The following ACOT7 variants were observed in gnomAD, a reference collection of about 807,000 sequenced individuals.
ACOT7 encodes cytosolic acyl coenzyme A thioester hydrolase.
ACOT7 carries 12 observed loss-of-function variants against 40.2 expected under a neutral mutation model. That is an observed-to-expected ratio of 0.30 (90% CI 0.19 to 0.48). ACOT7 has a LOEUF of 0.48. Among genes scored for constraint, ACOT7 ranks in the 20% least tolerant of loss-of-function variants. The pLI, the probability that ACOT7 is intolerant of heterozygous loss-of-function variation, is 0.99. For synonymous variants in ACOT7, 228 were observed against 219.5 expected (o/e 1.04, Z -0.34); for missense variants, 395 against 530.8 (o/e 0.74, Z 2.51).
At chr1:6,377,412 G>T (rs899001134) in intron 1 of ACOT7, among the ~76,000 whole-genome samples, 2 of 152,188 alleles carry the variant, frequency 1.3e-5, no homozygotes, top group South Asian at 4.2e-4. Flanking sequence ...AACTTAGTAG[G>T]TACATGGAAG....
intron 4 of ACOT7, among the ~76,000 whole-genome samples, chr1:6,329,020 T>C (rs1640883523): frequency 6.6e-6 from 1 of 152,146 alleles, no homozygotes; most frequent in Non-Finnish European, 1.5e-5. Context: ...AACCAACCAT[T>C]CCAGCTGAGC....
intron 1 of ACOT7, among the ~76,000 whole-genome samples, chr1:6,372,088 C>T (rs1269216956): frequency 6.6e-6 from 1 of 152,024 alleles, no homozygotes; most frequent in East Asian, 1.9e-4. Flanking sequence ...CCACCCTCAC[C>T]GGTGATCTCA....
rs935379568 is a variant in ACOT7 at position 6,288,196 on chromosome 1, C to G, written c.829+6668G>C. Among the ~76,000 whole-genome samples the G allele has an allele frequency of 1.3e-5, 2 of 152,252 alleles. No individual in the cohort carries two copies. The highest frequency in any genetic ancestry group is 4.8e-5 in the African/African-American group (2 of 41,466). Reference sequence around the variant, plus strand: ...CGGGCTCCACGTGCCTTCCCCTGTGCTGGTCCCCTGGGTGCGGGCTCCAGC... The same window carrying G: ...CGGGCTCCACGTGCCTTCCCCTGTGGTGGTCCCCTGGGTGCGGGCTCCAGC... On this transcript the variant is annotated intron_variant, in intron 7 of 8. Transcript: ENST00000361521. The surrounding 1 kb of genome is among the most constrained non-coding windows in gnomAD (Gnocchi z 4.3).
intron 2 of ACOT7, among the ~76,000 whole-genome samples, chr1:6,341,470 T>C (rs12737927): frequency 6.8e-6 from 1 of 146,524 alleles, no homozygotes; most frequent in African/African-American, 2.5e-5. Context: ...TGGCCAGGTG[T>C]GGTGGCTCAC....
intron 2 of ACOT7, among the ~76,000 whole-genome samples, chr1:6,345,765 C>G (rs898108367): frequency 1.3e-5 from 2 of 152,180 alleles, no homozygotes; most frequent in African/African-American, 4.8e-5. Flanking sequence ...CCTCAGTTTC[C>G]CCACTTGTAA....
chr1:6,352,062 G>C lies in ACOT7; in HGVS notation c.144-2196C>G, dbSNP rs929824890. Among the ~76,000 whole-genome samples the C allele has an allele frequency of 1.3e-5, 2 of 152,092 alleles. No homozygotes were observed. The highest frequency in any genetic ancestry group is 2.1e-4 in the South Asian group (1 of 4,830). Reference sequence around the variant, plus strand: ...CCTGGCCGCCTTTCTTCGGCACCTTGGGTCCTGCACCAAGGACCATCCTAA... The same window carrying C: ...CCTGGCCGCCTTTCTTCGGCACCTTCGGTCCTGCACCAAGGACCATCCTAA... On this transcript the variant is annotated intron_variant, in intron 1 of 8. Coordinates refer to ENST00000361521, the MANE Select transcript of ACOT7 (RefSeq NM_007274.4). This position sits in a 1 kb window ranked among gnomAD's most constrained non-coding sequence, Gnocchi z 4.5.
chr1:6,371,104 C>G (rs780796714), intron 1 of ACOT7, among the ~76,000 whole-genome samples: 1 of 152,130 alleles, frequency 6.6e-6, no homozygotes, highest in African/African-American at 2.4e-5. Flanking sequence ...CCACCGCACC[C>G]GGCCTGATCA....
intron 1 of ACOT7, among the ~76,000 whole-genome samples, chr1:6,388,793 C>G (rs1330206309): frequency 1.4e-5 from 2 of 146,700 alleles, no homozygotes; most frequent in Non-Finnish European, 3.0e-5. Context: ...AATCCCAGCA[C>G]TTTGGGAGGC....
At chr1:6,353,939 C>A (rs893843431) in intron 1 of ACOT7, among the ~76,000 whole-genome samples, 3 of 152,196 alleles carry the variant, frequency 2.0e-5, no homozygotes, top group Non-Finnish European at 2.9e-5. Flanking sequence ...AAACATCCCC[C>A]GCTCTATCTT....
chr1:6,265,484 C>A (rs1638810118), intron 8 of ACOT7, among the ~76,000 whole-genome samples: 1 of 152,226 alleles, frequency 6.6e-6, no homozygotes, highest in South Asian at 2.1e-4. Flanking sequence ...ACCCCAGGGA[C>A]CCCATCTCAT....
At position 6,339,605 on chromosome 1, in the gene ACOT7, C is replaced by CAGTT. The variant is rs1027693017; in HGVS notation, c.262-20_262-17dup. 2.5e-6 allele frequency: 4 copies of CAGTT among 1,608,652 alleles called. No individual in the cohort carries two copies. Among genetic ancestry groups the CAGTT allele is most frequent in the Admixed American group, 3.3e-5 (2 of 59,926 alleles). On this transcript the variant is annotated splice_polypyrimidine_tract_variant and intron_variant, in intron 2 of 8. Transcript: ENST00000361521. ...CACAGCGCTCCTGTGGAGACAGAGG[C>CAGTT]AGTTGTCAGCCCAGGTCAGCCAGCC...
At chr1:6,370,891 A>G (rs969761854) in intron 1 of ACOT7, among the ~76,000 whole-genome samples, 2 of 150,196 alleles carry the variant, frequency 1.3e-5, no homozygotes, top group African/African-American at 4.9e-5. Flanking sequence ...GCTCACTGCA[A>G]CCTCTGCCAC....
chr1:6,278,147 C>G lies in ACOT7; in HGVS notation c.1014+2955G>C, dbSNP rs1166007361. ...CGCTTCTCTAGAGCGGTTGTGGGTG[C>G]CCTTCTAAGGAAAAAACGTCTGAGA... On this transcript the variant is annotated intron_variant, in intron 8 of 8. Coordinates refer to ENST00000361521, the MANE Select transcript of ACOT7 (RefSeq NM_007274.4). This position sits in a 1 kb window ranked among gnomAD's most constrained non-coding sequence, Gnocchi z 4.1. 6.6e-6 allele frequency among the ~76,000 whole-genome samples: 1 copy of G among 152,028 alleles called. No individual in the cohort carries two copies. The highest frequency in any genetic ancestry group is 2.4e-5 in the African/African-American group (1 of 41,348).
At position 6,388,280 on chromosome 1, in the gene ACOT7, T is replaced by C. The variant is rs187811302; in HGVS notation, c.143+4977A>G. ...GCACACCGCCACGCCCGCCTAATTT[T>C]TTGTATTTTTAGTAGAGATGGGGTT... On this transcript the variant is annotated intron_variant, in intron 1 of 8. Coordinates refer to ENST00000361521, the MANE Select transcript of ACOT7 (RefSeq NM_007274.4). Among the ~76,000 whole-genome samples the C allele has an allele frequency of 1.2e-3, 186 of 152,026 alleles. 1 individual carries two copies. The highest frequency in any genetic ancestry group is 3.8e-3 in the African/African-American group (159 of 41,514).
chr1:6,366,749 G>A (rs1270240123), intron 1 of ACOT7, among the ~76,000 whole-genome samples: 1 of 151,364 alleles, frequency 6.6e-6, no homozygotes, highest in Non-Finnish European at 1.5e-5. Context: ...TCCGTCTCCC[G>A]AGTTCAAGTG....
intron 6 of ACOT7, among the ~76,000 whole-genome samples, chr1:6,305,794 G>A (rs1557642092): frequency 2.0e-5 from 3 of 152,298 alleles, no homozygotes; most frequent in South Asian, 4.1e-4. Context: ...GGTGGTGGCC[G>A]GGCAGAGGCT....
chr1:6,384,579 G>T (rs932070361), intron 1 of ACOT7, among the ~76,000 whole-genome samples: 3 of 151,752 alleles, frequency 2.0e-5, no homozygotes, highest in African/African-American at 7.3e-5. Context: ...CCAACTCTCC[G>T]ACACTAGGTG....
At chr1:6,369,169 C>T (rs981836137) in intron 1 of ACOT7, among the ~76,000 whole-genome samples, 14 of 151,524 alleles carry the variant, frequency 9.2e-5, no homozygotes, top group South Asian at 2.1e-4. Flanking sequence ...TTAGTAGAGA[C>T]GAGGTTTCAC....
chr1:6,335,942 C>T (rs1397742003), intron 3 of ACOT7, among the ~76,000 whole-genome samples: 1 of 152,194 alleles, frequency 6.6e-6, no homozygotes, highest in Non-Finnish European at 1.5e-5. Flanking sequence ...CATGACAACT[C>T]GAGTGGCCCT....
Sources: allele counts gnomAD v4.1 joint callset (sites outside exome capture counted in the v4.1 genomes callset), GRCh38; gene constraint gnomAD v4.1.1; non-coding constraint Gnocchi (gnomAD v3.1); transcripts MANE v1.5; gene names NCBI Gene and HGNC (gene_info 2026-07-23, HGNC 2026-07-21).